Variants in ALG10B observed in about 807,000 individuals in gnomAD.
The protein encoded by ALG10B is ALG10 alpha-1,2-glucosyltransferase B, also known as dol-P-Glc:Glc(2)Man(9)GlcNAc(2)-PP-Dol alpha-1,2-glucosyltransferase B.
A neutral mutation model predicts 38.7 loss-of-function variants in ALG10B; 27 were observed. That is an observed-to-expected ratio of 0.70 (90% CI 0.51 to 0.96). The LOEUF (loss-of-function observed/expected upper bound fraction) is 0.96, where lower values mean the gene tolerates loss of function less well. ALG10B is among the 40% of genes least tolerant of loss of function. The probability of loss-of-function intolerance (pLI) is 0.00; values close to 1 mark genes in which losing one functional copy is unlikely to be tolerated. For synonymous variants in ALG10B, 177 were observed against 193.3 expected, an observed-to-expected ratio of 0.92 and a Z score of 0.70; for missense variants, 522 against 542.7, an observed-to-expected ratio of 0.96 and a Z score of 0.38.
rs1297583189 is a variant in ALG10B, at chr12:38,329,565, C to G, written c.*8352C>G. 9.5e-6 allele frequency: 2 copies of G among 211,186 alleles called. No individual in the cohort carries two copies. Among genetic ancestry groups the G allele is most frequent in the Non-Finnish European group, 1.9e-5 (2 of 107,984 alleles). The allele number at this position is 211,186 out of a possible 1,614,324, so 13.1% of individuals were successfully genotyped here. The stretch of plus-strand genomic sequence containing the variant: ...ATGCTTTTAAGTTATGTATTACATA[C>G]TATTCTCTAAAATAGAAATGTTTAT... On this transcript the variant is annotated 3_prime_UTR_variant, in exon 3 of 3. Coordinates refer to ENST00000308742, the MANE Select transcript of ALG10B (RefSeq NM_001013620.4).
Position 38,324,195 on chromosome 12 carries a change from G to T in ALG10B, c.*2982G>T. ...TTATAGGCGCCCACCACCAAGCCTGGCTAATTTTTTCTATTTTTAGTAGAG... is the reference window on the plus strand; with the variant it reads ...TTATAGGCGCCCACCACCAAGCCTGTCTAATTTTTTCTATTTTTAGTAGAG... On this transcript the variant is annotated 3_prime_UTR_variant, in exon 3 of 3. Coordinates refer to ENST00000308742, the MANE Select transcript of ALG10B (RefSeq NM_001013620.4). 2.6e-6 allele frequency: 1 copy of T among 382,674 alleles called. No individual in the cohort carries two copies. Among genetic ancestry groups the T allele is most frequent in the African/African-American group, 2.1e-5 (1 of 48,558 alleles). The allele number at this position is 382,674 out of a possible 1,614,324, so 23.7% of individuals were successfully genotyped here.
rs965654631 is a variant in ALG10B, at chr12:38,325,857, A to G, written c.*4644A>G. On this transcript the variant is annotated 3_prime_UTR_variant, in exon 3 of 3. Transcript: ENST00000308742. ...AAGGATTCATTCCTGCCATATACTC[A>G]TAATATTTATAAGTATGTCATATGA... The G allele has an allele frequency of 6.6e-6, 1 of 152,212 alleles. No individual in the cohort carries two copies. Among genetic ancestry groups the G allele is most frequent in the Non-Finnish European group, 1.5e-5 (1 of 68,028 alleles). The allele number at this position is 152,212 out of a possible 1,614,324, so 9.4% of individuals were successfully genotyped here.
Position 38,324,160 on chromosome 12 carries a change from G to A in ALG10B, c.*2947G>A. ...CAGTTCTCCTGCCTCAGCCTCCCGA[G>A]TAGCTGAGATTATAGGCGCCCACCA... On this transcript the variant is annotated 3_prime_UTR_variant, in exon 3 of 3. Transcript: ENST00000308742. 2.1e-6 allele frequency: 1 copy of A among 470,126 alleles called. No individual in the cohort carries two copies. The highest frequency in any genetic ancestry group is 3.4e-5 in the South Asian group (1 of 29,218). The allele number at this position is 470,126 out of a possible 1,614,324, so 29.1% of individuals were successfully genotyped here. A position where few individuals can be genotyped will look rare whatever the true frequency, so the allele number is the denominator to read the frequency against.
Position 38,318,343 on chromosome 12 carries a change from G to C in ALG10B, c.254G>C (p.Trp85Ser). The change falls in exon 2 of 3, where the codon TGG (tryptophan) becomes TCG (serine). Residue 85 changes from tryptophan (W) to serine (S), a missense_variant. Transcript: ENST00000308742. ...VVKPAIWIFA[W>S]SEHVVCSIGM... Reference sequence around the variant, plus strand: ...AAACCTGCCATTTGGATCTTTGCATGGTCTGAACATGTTGTCTGCTCCATT... The same window carrying C: ...AAACCTGCCATTTGGATCTTTGCATCGTCTGAACATGTTGTCTGCTCCATT... The C allele has an allele frequency of 6.2e-7, 1 of 1,614,038 alleles. No homozygotes were observed. The highest frequency in any genetic ancestry group is 8.5e-7 in the Non-Finnish European group (1 of 1,179,982).
At chr12:38,318,029 A>C in intron 1 of ALG10B, 1 of 563,074 alleles carries the variant, frequency 1.8e-6, no homozygotes, top group South Asian at 2.2e-5. Context: ...ATAGAAATAG[A>C]TTTTAAGTTG....
chr12:38,316,999 A>T lies in ALG10B; in HGVS notation c.106A>T (p.Met36Leu), dbSNP rs200429393. ...AFSRALREPY[M>L]DEIFHLPQAQ... ...CAGCCGGGCGCTGCGAGAGCCCTAC[A>T]TGGACGAGATCTTCCACCTGCCTCA... The change falls in exon 1 of 3, where the codon ATG becomes TTG. Residue 36 changes from methionine to leucine, a missense_variant. Met to Leu is a conservative substitution (Grantham distance 15). Coordinates refer to ENST00000308742, the MANE Select transcript of ALG10B (RefSeq NM_001013620.4). The T allele has an allele frequency of 1.6e-4, 257 of 1,613,812 alleles. No homozygotes were observed. Among genetic ancestry groups the T allele is most frequent in the Non-Finnish European group, 2.1e-4 (242 of 1,179,968 alleles).
Position 38,327,976 on chromosome 12 carries a change from A to C in ALG10B, c.*6763A>C, listed in dbSNP as rs1159614143. On this transcript the variant is annotated 3_prime_UTR_variant, in exon 3 of 3. Transcript: ENST00000308742. ...AAGTGTAAATCAGAGGTCAACAATT[A>C]GATTGCAAATCATGAAAAGCATAAC... 1 of 152,226 alleles carries C rather than the reference A, an allele frequency of 6.6e-6. No homozygotes were observed. Among genetic ancestry groups the C allele is most frequent in the Non-Finnish European group, 1.5e-5 (1 of 68,030 alleles). The allele number at this position is 152,226 out of a possible 1,614,324, so 9.4% of individuals were successfully genotyped here.
Position 38,318,319 on chromosome 12 carries a change from A to T in ALG10B, c.230A>T (p.Lys77Ile). 1 of 1,614,188 alleles carries T rather than the reference A, an allele frequency of 6.2e-7. No homozygotes were observed. Among genetic ancestry groups the T allele is most frequent in the Non-Finnish European group, 8.5e-7 (1 of 1,180,032 alleles). ...GLYLVSVGVV[K>I]PAIWIFAWSE... is the part of the protein sequence containing the mutation. ...TACCTGGTGTCAGTTGGAGTGGTCA[A>T]ACCTGCCATTTGGATCTTTGCATGG... is the stretch of plus-strand genomic sequence containing the variant. The change falls in exon 2 of 3, where the codon AAA (lysine) becomes ATA (isoleucine). Residue 77 changes from lysine (K) to isoleucine (I), a missense_variant. Coordinates refer to ENST00000308742, the MANE Select transcript of ALG10B (RefSeq NM_001013620.4).
Position 38,329,716 on chromosome 12 carries a change from A to G in ALG10B, c.*8503A>G, listed in dbSNP as rs1945777629. The G allele has an allele frequency of 6.6e-6, 1 of 150,902 alleles. No individual in the cohort carries two copies. The highest frequency in any genetic ancestry group is 1.5e-5 in the Non-Finnish European group (1 of 67,806). 9.3% of individuals were successfully genotyped at this position (150,902 alleles called of 1,614,324 possible). A position where few individuals can be genotyped will look rare whatever the true frequency, so the allele number is the denominator to read the frequency against. ...TTGTTTCTAAATAAATTCATGTTTG[A>G]TAATATTTTATAATGTGTTGTGTCT... On this transcript the variant is annotated 3_prime_UTR_variant, in exon 3 of 3. Transcript: ENST00000308742.
At chr12:38,319,042 A>G (rs963595128) in intron 2 of ALG10B, among the ~76,000 whole-genome samples, 4 of 152,252 alleles carry the variant, frequency 2.6e-5, no homozygotes, top group African/African-American at 2.4e-5. Flanking sequence ...TGCCAGATAT[A>G]TAGTAAGGGC....
intron 1 of ALG10B, chr12:38,317,714 G>C (rs962963276): frequency 5.6e-6 from 1 of 177,938 alleles, no homozygotes; most frequent in African/African-American, 2.4e-5. Flanking sequence ...AGAAAGATCT[G>C]ATCTTAAATC....
Position 38,316,897 on chromosome 12 carries a change from G to T in ALG10B, c.4G>T (p.Ala2Ser), listed in dbSNP as rs761564225. ...GGCAGTGGCTGTGGGAGCAGGAATG[G>T]CGCAGCTAGAGGGTTACTGTTTCTC... M[A>S]QLEGYCFSAA... is the part of the protein sequence containing the mutation. The change falls in exon 1 of 3, where the codon GCG becomes TCG. Residue 2 changes from alanine to serine, a missense_variant. Transcript: ENST00000308742. 9.7e-5 allele frequency: 156 copies of T among 1,614,068 alleles called. No individual in the cohort carries two copies. The highest frequency in any genetic ancestry group is 9.7e-5 in the Non-Finnish European group (115 of 1,180,046).
In ALG10B at chr12:38,325,766, A is replaced by G. The variant is rs1591940577; in HGVS notation, c.*4553A>G. On this transcript the variant is annotated 3_prime_UTR_variant, in exon 3 of 3. Coordinates refer to ENST00000308742, the MANE Select transcript of ALG10B (RefSeq NM_001013620.4). ...GTTTAGTCTTTAGTCCTCATTTCAA[A>G]TGAGAATAGTATTTGTCCTAACTCT... is the stretch of plus-strand genomic sequence containing the variant. 1 of 152,206 alleles carries G rather than the reference A, an allele frequency of 6.6e-6. No homozygotes were observed. Among genetic ancestry groups the G allele is most frequent in the South Asian group, 2.1e-4 (1 of 4,832 alleles). The allele number at this position is 152,206 out of a possible 1,614,324, so 9.4% of individuals were successfully genotyped here.
chr12:38,317,690 A>G (rs1231227053), intron 1 of ALG10B: 1 of 174,522 alleles, frequency 5.7e-6, no homozygotes, highest in Non-Finnish European at 1.2e-5. Flanking sequence ...CTAGAAATAT[A>G]AAGTCTGTTT....
In ALG10B at chr12:38,317,221, G is replaced by C. The variant is rs149453641; in HGVS notation, c.171+157G>C. ...GGTATAGTCTTTTGTTCCTGTCTCT[G>C]AGATCTGTGAAATATTTATTAAATG... On this transcript the variant is annotated intron_variant, in intron 1 of 2. Coordinates refer to ENST00000308742, the MANE Select transcript of ALG10B (RefSeq NM_001013620.4). The C allele has an allele frequency of 5.2e-4, 487 of 942,366 alleles. 2 individuals are homozygous for C. The highest frequency in any genetic ancestry group is 6.7e-4 in the Middle Eastern group (2 of 2,964). 58.4% of individuals were successfully genotyped at this position (942,366 alleles called of 1,614,324 possible).
rs1373440591 is a variant in ALG10B, at chr12:38,328,689, A to C, written c.*7476A>C. ...TGAAGCTAAGATAAATGTAAAAAAA[A>C]CAAACAAAAAAAACCTCACTTTGTG... On this transcript the variant is annotated 3_prime_UTR_variant, in exon 3 of 3. Transcript: ENST00000308742. 1.3e-5 allele frequency: 2 copies of C among 152,122 alleles called. No individual in the cohort carries two copies. The highest frequency in any genetic ancestry group is 2.4e-5 in the African/African-American group (1 of 41,306). 9.4% of individuals were successfully genotyped at this position (152,122 alleles called of 1,614,324 possible).
At chr12:38,316,724 C>A (rs548024560), upstream of ALG10B, 28 of 1,105,198 alleles carry the variant, frequency 2.5e-5, no homozygotes, top group Admixed American at 5.2e-5. Flanking sequence ...AAACAGCGAC[C>A]CGCTGTTTTC....
rs1304181136 is a variant in ALG10B at position 38,324,088 on chromosome 12, A to G, written c.*2875A>G. The G allele has an allele frequency of 6.6e-6, 4 of 606,138 alleles. No individual in the cohort carries two copies. The highest frequency in any genetic ancestry group is 2.6e-5 in the Admixed American group (1 of 37,800). The allele number at this position is 606,138 out of a possible 1,614,324, so 37.5% of individuals were successfully genotyped here. A position where few individuals can be genotyped will look rare whatever the true frequency, so the allele number is the denominator to read the frequency against. On this transcript the variant is annotated 3_prime_UTR_variant, in exon 3 of 3. Coordinates refer to ENST00000308742, the MANE Select transcript of ALG10B (RefSeq NM_001013620.4). ...GCTCTTGTCCCCCAGGCTGGAATGCAATGGCGCGATCTTGGCTCACTGAAA... is the reference window on the plus strand; with the variant it reads ...GCTCTTGTCCCCCAGGCTGGAATGCGATGGCGCGATCTTGGCTCACTGAAA...
At position 38,328,033 on chromosome 12, in the gene ALG10B, G is replaced by T. The variant is rs535655403; in HGVS notation, c.*6820G>T. 1 of 152,094 alleles carries T rather than the reference G, an allele frequency of 6.6e-6. No homozygotes were observed. The highest frequency in any genetic ancestry group is 6.5e-5 in the Admixed American group (1 of 15,286). 9.4% of individuals were successfully genotyped at this position (152,094 alleles called of 1,614,324 possible). A position where few individuals can be genotyped will look rare whatever the true frequency, so the allele number is the denominator to read the frequency against. On this transcript the variant is annotated 3_prime_UTR_variant, in exon 3 of 3. Transcript: ENST00000308742. ...TTGTTTAGTCTTTTTAGGGAAACAA[G>T]CCCAGAAAAAAAGTAAGATTCTCAT... is the stretch of plus-strand genomic sequence containing the variant.
Sources: allele counts gnomAD v4.1 joint callset (sites outside exome capture counted in the v4.1 genomes callset), GRCh38; gene constraint gnomAD v4.1.1; transcripts MANE v1.5; gene names NCBI Gene and HGNC (gene_info 2026-07-23, HGNC 2026-07-21).